Variants in RAB27A observed in about 807,000 individuals in gnomAD.
RAB27A encodes the protein RAB27A, member RAS oncogene family.
RAB27A carries 17 observed loss-of-function variants against 20.8 expected under a neutral mutation model. The observed-to-expected ratio is 0.82, with a 90% CI of 0.56 to 1.23. The LOEUF (loss-of-function observed/expected upper bound fraction) is 1.23, where lower values mean the gene tolerates loss of function less well. Ranked by LOEUF, RAB27A falls within the 50% of genes most tolerant of loss-of-function variation. The pLI is 0.00. For synonymous variants in RAB27A, 85 were observed against 92.8 expected, an observed-to-expected ratio of 0.92 and a Z score of 0.48; for missense variants, 277 against 266.7, an observed-to-expected ratio of 1.04 and a Z score of -0.27.
At chr15:55,210,176 TAC>T (rs751568262) in intron 6 of RAB27A, among the ~76,000 whole-genome samples, 10 of 133,980 alleles carry the variant, frequency 7.5e-5, no homozygotes, top group Non-Finnish European at 1.3e-4. Flanking sequence ...CATATATACG[TAC>T]ACACATATGT....
At chr15:55,214,154 A>G (rs571645018) in intron 6 of RAB27A, among the ~76,000 whole-genome samples, 1 of 152,156 alleles carries the variant, frequency 6.6e-6, no homozygotes, top group Non-Finnish European at 1.5e-5. Flanking sequence ...AAACTGGTTG[A>G]GGCCGGGCGC....
At position 55,205,590 on chromosome 15, in the gene RAB27A, G is replaced by A. The variant is rs865855583; in HGVS notation, c.583C>T (p.Pro195Ser). Residue 195 changes from proline to serine, a missense_variant, in exon 7 of 7, where the codon CCT (proline) becomes TCT (serine). Physicochemically the swap from Pro to Ser is moderately conservative, Grantham distance 74. Transcript: ENST00000336787. ...MERCVDKSWI[P>S]EGVVRSNGHA... ...CCATTTGATCGCACCACTCCTTCAG[G>A]AATCCAGGACTTGTCCACACACCGT... 2 of 1,614,068 alleles carry A rather than the reference G, an allele frequency of 1.2e-6. No individual in the cohort carries two copies. Among genetic ancestry groups the A allele is most frequent in the South Asian group, 1.1e-5 (1 of 91,084 alleles).
intron 1 of RAB27A, among the ~76,000 whole-genome samples, chr15:55,287,172 G>A (rs113519416): frequency 2.0e-5 from 3 of 151,884 alleles, no homozygotes; most frequent in South Asian, 4.1e-4. Flanking sequence ...CACCTGTCTC[G>A]GCCTCCCAAA....
intron 6 of RAB27A, among the ~76,000 whole-genome samples, chr15:55,210,851 C>T (rs1396977773): frequency 6.6e-6 from 1 of 152,056 alleles, no homozygotes; most frequent in Admixed American, 6.5e-5. Context: ...GACGAATGAC[C>T]TGGAGTGTTT....
At chr15:55,230,156 C>CA (rs1027066051) in intron 4 of RAB27A, among the ~76,000 whole-genome samples, 2 of 149,372 alleles carry the variant, frequency 1.3e-5, no homozygotes, top group African/African-American at 4.9e-5. Flanking sequence ...AGTATCTAAG[C>CA]AAAAAAAAAT....
At chr15:55,275,187 G>T (rs1251148403) in intron 1 of RAB27A, among the ~76,000 whole-genome samples, 1 of 151,114 alleles carries the variant, frequency 6.6e-6, no homozygotes, top group Non-Finnish European at 1.5e-5. Context: ...AGGAGGCAGA[G>T]GTTGCAGTGA....
chr15:55,266,558 A>G (rs757861367), intron 2 of RAB27A, among the ~76,000 whole-genome samples: 2 of 152,214 alleles, frequency 1.3e-5, no homozygotes, highest in Non-Finnish European at 2.9e-5. Flanking sequence ...TGGTAAATAA[A>G]TGGTATAACA....
rs528386005 is a variant in RAB27A at position 55,254,538 on chromosome 15, T to G, written c.-23+15627A>C. Among the ~76,000 whole-genome samples, 16 of 152,298 alleles carry G rather than the reference T, an allele frequency of 1.1e-4. No homozygotes were observed. In the South Asian group the frequency reaches 3.1e-3, roughly 30 times the overall value. On this transcript the variant is annotated intron_variant, in intron 2 of 6. Coordinates refer to ENST00000336787, the MANE Select transcript of RAB27A (RefSeq NM_183235.3). ...ATAATTTCCATTAATTTCTGATGCT[T>G]GTAAGCATTTTAGATATACATTCCT...
intron 2 of RAB27A, chr15:55,269,890 C>G (rs939526267): frequency 3.3e-5 from 5 of 152,192 alleles, no homozygotes; most frequent in African/African-American, 4.8e-5. Flanking sequence ...TCATATTCAA[C>G]AATTTCCTGA....
chr15:55,288,752 C>T (rs1352451564), intron 1 of RAB27A: 2 of 151,808 alleles, frequency 1.3e-5, no homozygotes, highest in Non-Finnish European at 2.9e-5. Flanking sequence ...AACCTTTCTT[C>T]ACTTCTAACC....
chr15:55,215,726 C>G (rs867311762), intron 6 of RAB27A, among the ~76,000 whole-genome samples: 1 of 150,770 alleles, frequency 6.6e-6, no homozygotes, highest in Non-Finnish European at 1.5e-5. Context: ...CTTTGGGAGG[C>G]TGAGACGGGT....
intron 1 of RAB27A, chr15:55,288,980 A>G (rs2141134779): frequency 1.3e-5 from 2 of 152,360 alleles, no homozygotes; most frequent in East Asian, 3.9e-4. Context: ...ATCCATCCAG[A>G]AGGAAAGAAC....
At chr15:55,291,282 C>G (rs12708446), upstream of RAB27A, among the ~76,000 whole-genome samples, 74,130 of 151,878 alleles carry the variant, frequency 0.49, 21,353 homozygotes, top group African/African-American at 0.79. Context: ...AGCCCGAGGC[C>G]GGCAGATCAC....
intron 1 of RAB27A, among the ~76,000 whole-genome samples, chr15:55,273,333 C>T (rs1006938030): frequency 7.3e-5 from 11 of 150,998 alleles, no homozygotes; most frequent in African/African-American, 1.7e-4. Context: ...TGCTTGAACC[C>T]GGGAGGCGGA....
chr15:55,245,047 G>A (rs1199248763), intron 2 of RAB27A, among the ~76,000 whole-genome samples: 1 of 152,160 alleles, frequency 6.6e-6, no homozygotes, highest in African/African-American at 2.4e-5. Context: ...CATGAGGCAG[G>A]CTAGAAGAGG....
chr15:55,318,669 C>T (rs529391798), intron 1 of RAB27A, among the ~76,000 whole-genome samples: 2 of 150,288 alleles, frequency 1.3e-5, no homozygotes. Flanking sequence ...CCACTGCACT[C>T]CAGCCTGGAC....
At chr15:55,280,503 T>TTATATATATATA (rs71297648) in intron 1 of RAB27A, among the ~76,000 whole-genome samples, 1,584 of 137,782 alleles carry the variant, frequency 0.011, 23 homozygotes, top group African/African-American at 0.036. Context: ...TGGGTATGGT[T>TTATATATATATA]TATATATATA....
chr15:55,228,470 C>A, intron 5 of RAB27A, 139 bp downstream of exon 5: 1 of 710,390 alleles, frequency 1.4e-6, no homozygotes, highest in Non-Finnish European at 2.5e-6. Flanking sequence ...TGTCCCTAAA[C>A]TAAAAACCTT....
rs148951775 is a variant in RAB27A, at chr15:55,223,743, A to G, written c.467+146T>C. 415 of 930,210 alleles carry G rather than the reference A, an allele frequency of 4.5e-4. 1 individual carries two copies. In the African/African-American group the frequency reaches 6.3e-3, roughly 14 times the overall value. 57.6% of individuals were successfully genotyped at this position (930,210 alleles called of 1,614,324 possible). On this transcript the variant is annotated intron_variant, in intron 6 of 6. Transcript: ENST00000336787. The stretch of plus-strand genomic sequence containing the variant: ...TGTCAATGGATCCTACTATCATATC[A>G]TATAAAAAGGACACATTCAACATGC...
Sources: allele counts gnomAD v4.1 joint callset (sites outside exome capture counted in the v4.1 genomes callset), GRCh38; gene constraint gnomAD v4.1.1; transcripts MANE v1.5; gene names NCBI Gene and HGNC (gene_info 2026-07-23, HGNC 2026-07-21).